NTSR1: variants seen among roughly 807,000 people sequenced by gnomAD.
NTSR1 encodes neurotensin receptor 1, also known as neurotensin receptor type 1.
NTSR1 carries 29 observed loss-of-function variants against 31.2 expected under a neutral mutation model. That is an observed-to-expected ratio of 0.93 (90% CI 0.69 to 1.27). NTSR1 has a LOEUF of 1.27. NTSR1 is among the 50% of genes most tolerant of loss of function. The pLI is 0.00. For missense variants in NTSR1, 697 were observed against 595.4 expected, an observed-to-expected ratio of 1.17 and a Z score of -1.78; for synonymous variants, 282 against 269.9, an observed-to-expected ratio of 1.04 and a Z score of -0.44.
At chr20:62,737,319 C>T (rs912235037) in intron 1 of NTSR1, among the ~76,000 whole-genome samples, 5 of 152,202 alleles carry the variant, frequency 3.3e-5, no homozygotes, top group Admixed American at 6.5e-5. Flanking sequence ...TGAGATCCTC[C>T]GGCCCACGAA....
intron 1 of NTSR1, among the ~76,000 whole-genome samples, chr20:62,738,691 G>T (rs115330306): frequency 6.6e-6 from 1 of 152,200 alleles, no homozygotes; most frequent in Non-Finnish European, 1.5e-5. Context: ...TTCTGCCCGC[G>T]GGGTTAGCAT....
At chr20:62,725,528 A>C (rs904182704) in intron 1 of NTSR1, among the ~76,000 whole-genome samples, 2 of 152,182 alleles carry the variant, frequency 1.3e-5, no homozygotes, top group African/African-American at 2.4e-5. Flanking sequence ...TAAGGTGGAA[A>C]GAGGTCCCCT....
At chr20:62,710,948 G>A (rs917800304) in intron 1 of NTSR1, among the ~76,000 whole-genome samples, 2 of 152,126 alleles carry the variant, frequency 1.3e-5, no homozygotes, top group Admixed American at 6.5e-5. Flanking sequence ...GAGGGGCCAG[G>A]GTGGCTGGCT....
At chr20:62,737,569 C>T (rs1989119716) in intron 1 of NTSR1, among the ~76,000 whole-genome samples, 1 of 152,146 alleles carries the variant, frequency 6.6e-6, no homozygotes, top group Non-Finnish European at 1.5e-5. Flanking sequence ...AACGAGCCCT[C>T]TGTGGCCTTG....
At chr20:62,728,340 T>A (rs1988944708) in intron 1 of NTSR1, among the ~76,000 whole-genome samples, 1 of 152,088 alleles carries the variant, frequency 6.6e-6, no homozygotes, top group South Asian at 2.1e-4. Context: ...TGTTTCCCCA[T>A]CCCTGCGGTC....
chr20:62,759,223 G>A (rs984864513), intron 3 of NTSR1, among the ~76,000 whole-genome samples: 1 of 152,210 alleles, frequency 6.6e-6, no homozygotes, highest in African/African-American at 2.4e-5. Flanking sequence ...CCCTGCAAAA[G>A]CTTCTGAAAC....
chr20:62,738,899 G>A (rs951625814), intron 1 of NTSR1, among the ~76,000 whole-genome samples: 1 of 152,190 alleles, frequency 6.6e-6, no homozygotes, highest in Non-Finnish European at 1.5e-5. Context: ...ATATGCTCAG[G>A]GTCACTCAGC....
intron 1 of NTSR1, among the ~76,000 whole-genome samples, chr20:62,750,610 G>C (rs1361884944): frequency 6.8e-6 from 1 of 147,182 alleles, no homozygotes; most frequent in Non-Finnish European, 1.5e-5. Context: ...AGAATGGCGT[G>C]AACCCGGGAG....
chr20:62,746,457 G>A (rs1224860067), intron 1 of NTSR1, among the ~76,000 whole-genome samples: 11 of 152,162 alleles, frequency 7.2e-5, no homozygotes, highest in African/African-American at 7.2e-5. Context: ...GACCTCTGAC[G>A]GCAGGGGCTC....
At chr20:62,712,128 C>T (rs1988628571) in intron 1 of NTSR1, among the ~76,000 whole-genome samples, 1 of 152,232 alleles carries the variant, frequency 6.6e-6, no homozygotes, top group African/African-American at 2.4e-5. Flanking sequence ...AAAGAACATT[C>T]CTCGTAGGAG....
chr20:62,721,102 A>T (rs1004043385), intron 1 of NTSR1, among the ~76,000 whole-genome samples: 3 of 152,250 alleles, frequency 2.0e-5, no homozygotes, highest in South Asian at 4.1e-4. Context: ...GTGCTGTGCT[A>T]TCATTGCTGG....
Position 62,711,442 on chromosome 20 carries a change from G to A in NTSR1, c.714+1521G>A, listed in dbSNP as rs376201115. 2.0e-5 allele frequency among the ~76,000 whole-genome samples: 3 copies of A among 152,262 alleles called. No individual in the cohort carries two copies. Among genetic ancestry groups the A allele is most frequent in the East Asian group, 3.9e-4 (2 of 5,174 alleles). ...CAGGGGGAACCTCTCCCCAGTCCGC[G>A]TGGAGGGGCCCCAGGGGCGACAGCC... On this transcript the variant is annotated intron_variant, in intron 1 of 3. Transcript: ENST00000370501. The surrounding 1 kb of genome is among the most constrained non-coding windows in gnomAD (Gnocchi z 6.4).
rs1568714825 is a variant in NTSR1 at position 62,762,238 on chromosome 20, A to G, written c.*1971A>G. On this transcript the variant is annotated 3_prime_UTR_variant, in exon 4 of 4. Coordinates refer to ENST00000370501, the MANE Select transcript of NTSR1 (RefSeq NM_002531.3). ...CTCTGGGGCTCCTGGACCTTGGGCC[A>G]TAATTTCTGAGCCTCGGTTTCCCCA... 6.6e-6 allele frequency: 1 copy of G among 152,388 alleles called. No homozygotes were observed. Among genetic ancestry groups the G allele is most frequent in the East Asian group, 1.9e-4 (1 of 5,190 alleles). 9.4% of individuals were successfully genotyped at this position (152,388 alleles called of 1,614,324 possible).
intron 1 of NTSR1, among the ~76,000 whole-genome samples, chr20:62,725,784 GGAGGGA>G: frequency 6.6e-6 from 1 of 152,232 alleles, no homozygotes; most frequent in Non-Finnish European, 1.5e-5. Flanking sequence ...GGAGGAGGAC[GGAGGGA>G]GAGGGAGAAG....
rs11907547 is a variant in NTSR1 at position 62,744,775 on chromosome 20, G to A, written c.715-9910G>A. Among the ~76,000 whole-genome samples the A allele has an allele frequency of 0.099, 14,973 of 151,302 alleles. 1,649 individuals carry two copies. The highest frequency in any genetic ancestry group is 0.32 in the East Asian group (1,660 of 5,154). On this transcript the variant is annotated intron_variant, in intron 1 of 3. Transcript: ENST00000370501. The surrounding 1 kb of genome is among the most constrained non-coding windows in gnomAD (Gnocchi z 4.1). ...AGCCTGAGGCCCAGGAGGACCTGCCGAGCTCACAGCTGGCCAGGGAACAAG... is the reference window on the plus strand; with the variant it reads ...AGCCTGAGGCCCAGGAGGACCTGCCAAGCTCACAGCTGGCCAGGGAACAAG...
At chr20:62,728,228 C>T (rs1037310958) in intron 1 of NTSR1, among the ~76,000 whole-genome samples, 2 of 152,130 alleles carry the variant, frequency 1.3e-5, no homozygotes, top group African/African-American at 4.8e-5. Context: ...AGCATCCGAG[C>T]CTTGATCAAC....
Position 62,741,187 on chromosome 20 carries a change from G to A in NTSR1, c.715-13498G>A, listed in dbSNP as rs1019142988. ...AAGTCAGGGGTCTCCCGGCAGCCAG[G>A]CTGCTAAGTCAGGGGTCTCCCGGCA... On this transcript the variant is annotated intron_variant, in intron 1 of 3. Coordinates refer to ENST00000370501, the MANE Select transcript of NTSR1 (RefSeq NM_002531.3). This position sits in a 1 kb window ranked among gnomAD's most constrained non-coding sequence, Gnocchi z 4.3. 6.6e-6 allele frequency among the ~76,000 whole-genome samples: 1 copy of A among 150,656 alleles called. No homozygotes were observed. The highest frequency in any genetic ancestry group is 1.5e-5 in the Non-Finnish European group (1 of 67,070).
chr20:62,718,456 G>A (rs976086892), intron 1 of NTSR1, among the ~76,000 whole-genome samples: 2 of 152,040 alleles, frequency 1.3e-5, no homozygotes, highest in African/African-American at 2.4e-5. Flanking sequence ...GTGCTTGTTC[G>A]CACCTATGAG....
In NTSR1 at chr20:62,714,289, C is replaced by G. The variant is rs1419809831; in HGVS notation, c.714+4368C>G. 6.6e-6 allele frequency among the ~76,000 whole-genome samples: 1 copy of G among 152,352 alleles called. No homozygotes were observed. The highest frequency in any genetic ancestry group is 1.9e-4 in the East Asian group (1 of 5,184). ...TGTTGGTGTGGGGCCAAGAGTCACA[C>G]ACTTCCTCCAGTCTGAGCCCATGAC... On this transcript the variant is annotated intron_variant, in intron 1 of 3. Transcript: ENST00000370501. This position sits in a 1 kb window ranked among gnomAD's most constrained non-coding sequence, Gnocchi z 4.1.
Sources: gnomAD v4.1 joint callset for allele counts (sites outside exome capture counted in the v4.1 genomes callset) on GRCh38, gnomAD v4.1.1 for gene constraint, Gnocchi (gnomAD v3.1) non-coding constraint, MANE v1.5 for transcripts, NCBI Gene and HGNC (gene_info 2026-07-23, HGNC 2026-07-21) for gene names.